The following EPHX2 variants were observed in gnomAD, a reference collection of about 807,000 sequenced individuals.
EPHX2 encodes epoxide hydrolase 2.
A neutral mutation model predicts 78.7 loss-of-function variants in EPHX2; 74 were observed. The observed-to-expected ratio is 0.94, with a 90% CI of 0.78 to 1.14. EPHX2 has a LOEUF of 1.14. Ranked by LOEUF, EPHX2 falls within the 50% of genes most tolerant of loss-of-function variation. EPHX2 has a pLI of 0.00. For missense variants in EPHX2, 715 were observed against 702.5 expected (o/e 1.02, Z -0.20); for synonymous variants, 251 against 255.2 (o/e 0.98, Z 0.16).
At chr8:27,529,331 C>T (rs985115567) in intron 12 of EPHX2, among the ~76,000 whole-genome samples, 5 of 152,180 alleles carry the variant, frequency 3.3e-5, no homozygotes, top group South Asian at 2.1e-4. Flanking sequence ...GCTCTGGCAG[C>T]GAAGGCCAGT....
At position 27,496,266 on chromosome 8, in the gene EPHX2, C is replaced by G. The variant is rs569792942; in HGVS notation, c.102-4660C>G. Among the ~76,000 whole-genome samples, 5 of 152,272 alleles carry G rather than the reference C, an allele frequency of 3.3e-5. No individual in the cohort carries two copies. In the East Asian group the frequency reaches 9.7e-4, roughly 29 times the overall value. On this transcript the variant is annotated intron_variant, in intron 1 of 18. Coordinates refer to ENST00000521400, the MANE Select transcript of EPHX2 (RefSeq NM_001979.6). ...GGCATGAGGCTTTTGAACTGGTAAC[C>G]ATAAGTAAATCATCCACATACTGAA...
chr8:27,513,469 C>T (rs1814330736), intron 6 of EPHX2, among the ~76,000 whole-genome samples: 1 of 152,096 alleles, frequency 6.6e-6, no homozygotes, highest in Non-Finnish European at 1.5e-5. Flanking sequence ...ATTTATTTGA[C>T]CTTGAAGGAG....
At chr8:27,501,729 A>G (rs867879344) in intron 2 of EPHX2, among the ~76,000 whole-genome samples, 9 of 152,274 alleles carry the variant, frequency 5.9e-5, no homozygotes, top group African/African-American at 2.2e-4. Context: ...TTCAATGAAC[A>G]TACAGAATTT....
chr8:27,538,773 A>T, intron 14 of EPHX2, 81 bp downstream of exon 14: 1 of 1,478,796 alleles, frequency 6.8e-7, no homozygotes, highest in Non-Finnish European at 9.4e-7. Flanking sequence ...TGCTATGGGC[A>T]GAAGCCCTGA....
At chr8:27,540,980 C>G (rs1467101753) in intron 15 of EPHX2, among the ~76,000 whole-genome samples, 1 of 152,186 alleles carries the variant, frequency 6.6e-6, no homozygotes, top group Non-Finnish European at 1.5e-5. Flanking sequence ...ACATAAAAAT[C>G]CACATAAACT....
intron 10 of EPHX2, among the ~76,000 whole-genome samples, chr8:27,522,072 T>C (rs749882938): frequency 1.1e-4 from 16 of 152,092 alleles, no homozygotes; most frequent in Non-Finnish European, 1.3e-4. Flanking sequence ...AGCATAATCA[T>C]TTGATAAAAG....
At position 27,498,732 on chromosome 8, in the gene EPHX2, T is replaced by C. The variant is rs1439724849; in HGVS notation, c.102-2194T>C. Among the ~76,000 whole-genome samples, 3 of 152,306 alleles carry C rather than the reference T, an allele frequency of 2.0e-5. No individual in the cohort carries two copies. The East Asian group carries it at 5.8e-4, about 29-fold the overall frequency. ...AGTTGAATATTGCATTGCTTCTTAA[T>C]ACTGAGGAGCAGATACTGAAAGGGA... On this transcript the variant is annotated intron_variant, in intron 1 of 18. Transcript: ENST00000521400.
At chr8:27,509,920 G>C (rs1398309550) in intron 5 of EPHX2, among the ~76,000 whole-genome samples, 1 of 152,158 alleles carries the variant, frequency 6.6e-6, no homozygotes, top group Non-Finnish European at 1.5e-5. Flanking sequence ...ATCCCCTGGT[G>C]TATGACCTAG....
intron 1 of EPHX2, among the ~76,000 whole-genome samples, chr8:27,496,345 C>T (rs1813572289): frequency 6.6e-6 from 1 of 152,150 alleles, no homozygotes; most frequent in Non-Finnish European, 1.5e-5. Flanking sequence ...CAGTGCCTGA[C>T]CAAACAGATG....
chr8:27,541,616 G>A, intron 16 of EPHX2, 74 bp downstream of exon 16: 2 of 1,516,810 alleles, frequency 1.3e-6, no homozygotes, highest in Non-Finnish European at 1.8e-6. Flanking sequence ...GGCCTGAGCT[G>A]ATATGACCTG....
intron 12 of EPHX2, 138 bp downstream of exon 12, chr8:27,525,611 G>T (rs944049445): frequency 1.3e-6 from 1 of 790,184 alleles, no homozygotes; most frequent in Non-Finnish European, 2.1e-6. Flanking sequence ...AATGGGCTCA[G>T]GTGAAACTGG....
chr8:27,496,725 T>C (rs1315975133), intron 1 of EPHX2, among the ~76,000 whole-genome samples: 1 of 152,200 alleles, frequency 6.6e-6, no homozygotes, highest in Non-Finnish European at 1.5e-5. Context: ...CTTTATGAGC[T>C]TCAGGCCTTA....
chr8:27,532,821 A>T (rs1182490660), intron 12 of EPHX2, among the ~76,000 whole-genome samples: 3 of 152,178 alleles, frequency 2.0e-5, no homozygotes, highest in Non-Finnish European at 2.9e-5. Flanking sequence ...TTAATTTAAA[A>T]TTTTAAAAAA....
At chr8:27,546,360 G>A (rs945142160), downstream of EPHX2, among the ~76,000 whole-genome samples, 2 of 152,186 alleles carry the variant, frequency 1.3e-5, no homozygotes, top group African/African-American at 4.8e-5. Context: ...CATGGAGGAA[G>A]TGCTATGGAA....
At chr8:27,535,928 G>A (rs1815196582) in intron 12 of EPHX2, among the ~76,000 whole-genome samples, 1 of 152,140 alleles carries the variant, frequency 6.6e-6, no homozygotes, top group Non-Finnish European at 1.5e-5. Flanking sequence ...AGCCTATTTT[G>A]TACATTGGCA....
downstream of EPHX2, among the ~76,000 whole-genome samples, chr8:27,547,838 A>G (rs1815600343): frequency 6.6e-6 from 1 of 152,190 alleles, no homozygotes; most frequent in South Asian, 2.1e-4. Context: ...TATTTCACTT[A>G]ACAGAATGCT....
In EPHX2 at chr8:27,500,998, C is replaced by T. The variant is rs533460949; in HGVS notation, c.174C>T (p.Ile58=). The T allele has an allele frequency of 1.2e-6, 2 of 1,613,090 alleles. No homozygotes were observed. The highest frequency in any genetic ancestry group is 3.3e-5 in the Admixed American group (2 of 59,896). Residue 58 remains isoleucine, a synonymous_variant, in exon 2 of 19, where the codon ATC becomes ATT. Transcript: ENST00000521400. ...GATTRLMKGE[I]TLSQWIPLME... Reference sequence around the variant, plus strand: ...CTACCCGGCTTATGAAAGGAGAGATCACACTTTCCCAGGTGAGGGGACATC... The same window carrying T: ...CTACCCGGCTTATGAAAGGAGAGATTACACTTTCCCAGGTGAGGGGACATC...
intron 5 of EPHX2, among the ~76,000 whole-genome samples, chr8:27,507,434 G>T (rs374379673): frequency 8.5e-5 from 13 of 152,304 alleles, no homozygotes; most frequent in African/African-American, 3.1e-4. Context: ...TCCCTGAGGT[G>T]GTTGGGACAG....
In EPHX2 at chr8:27,536,542, A is replaced by G. The variant is rs181936581; in HGVS notation, c.1171-242A>G. ...TCTCATTATAGGAATATTGAAAAAC[A>G]CAAAGAAAGTGGCATCTATAAACCT... On this transcript the variant is annotated intron_variant, in intron 12 of 18. Coordinates refer to ENST00000521400, the MANE Select transcript of EPHX2 (RefSeq NM_001979.6). Among the ~76,000 whole-genome samples the G allele has an allele frequency of 2.6e-4, 39 of 152,344 alleles. 1 individual carries two copies. In the East Asian group the frequency reaches 6.7e-3, roughly 26 times the overall value.
Sources: gnomAD v4.1 joint callset for allele counts (sites outside exome capture counted in the v4.1 genomes callset) on GRCh38, gnomAD v4.1.1 for gene constraint, MANE v1.5 for transcripts, NCBI Gene and HGNC (gene_info 2026-07-23, HGNC 2026-07-21) for gene names.